Variants in XPR1 observed in about 807,000 individuals in gnomAD.
XPR1 encodes xenotropic and polytropic retrovirus receptor 1.
XPR1 carries 28 observed loss-of-function variants against 87.5 expected under a neutral mutation model. The observed-to-expected ratio is 0.32, with a 90% confidence interval of 0.24 to 0.44. XPR1 has a LOEUF of 0.44. Ranked by LOEUF, XPR1 falls within the 20% of genes least tolerant of loss-of-function variation. The pLI is 1.00. For synonymous variants in XPR1, 300 were observed against 306.1 expected (o/e 0.98, Z 0.21); for missense variants, 559 against 862.3 (o/e 0.65, Z 4.41).
At chr1:180,655,476 C>A (rs1483521916) in intron 1 of XPR1, among the ~76,000 whole-genome samples, 1 of 150,640 alleles carries the variant, frequency 6.6e-6, no homozygotes, top group Non-Finnish European at 1.5e-5. Flanking sequence ...TCTTGGCTCA[C>A]TGCAACCTCT....
intron 9 of XPR1, among the ~76,000 whole-genome samples, chr1:180,833,407 A>G (rs1049727878): frequency 6.6e-6 from 1 of 152,054 alleles, no homozygotes; most frequent in African/African-American, 2.4e-5. Context: ...GTCAAGACCC[A>G]TTGGTGTGCT....
At chr1:180,837,389 T>G (rs2063849) in intron 11 of XPR1, among the ~76,000 whole-genome samples, 1 of 152,222 alleles carries the variant, frequency 6.6e-6, no homozygotes, top group African/African-American at 2.4e-5. Flanking sequence ...GCTGCACTTT[T>G]TCATCTGTAG....
At chr1:180,707,062 G>T (rs1241633534) in intron 2 of XPR1, among the ~76,000 whole-genome samples, 1 of 152,174 alleles carries the variant, frequency 6.6e-6, no homozygotes, top group Non-Finnish European at 1.5e-5. Context: ...ATATTTACTT[G>T]TATTAAGAGT....
chr1:180,710,518 G>A (rs1001881738), intron 2 of XPR1, among the ~76,000 whole-genome samples: 158 of 152,148 alleles, frequency 1.0e-3, no homozygotes, highest in Non-Finnish European at 1.9e-3. Context: ...CGGGTTGGGG[G>A]TAAGGTCACA....
intron 9 of XPR1, 85 bp downstream of exon 9, chr1:180,825,429 G>A (rs758012514): frequency 1.5e-6 from 2 of 1,368,776 alleles, no homozygotes; most frequent in South Asian, 1.5e-5. Context: ...CTGCTAGGTT[G>A]TACAACTGCA....
At chr1:180,678,550 T>TA (rs1209456378) in intron 1 of XPR1, among the ~76,000 whole-genome samples, 4 of 152,268 alleles carry the variant, frequency 2.6e-5, no homozygotes, top group Non-Finnish European at 5.9e-5. Flanking sequence ...TAGTGAATAT[T>TA]ACTGAATGTT....
At chr1:180,678,600 A>C (rs1419586862) in intron 1 of XPR1, among the ~76,000 whole-genome samples, 2 of 152,248 alleles carry the variant, frequency 1.3e-5, no homozygotes. Flanking sequence ...ATTTTTGTAC[A>C]TCATACATCA....
At chr1:180,830,876 T>G (rs1349611816) in intron 9 of XPR1, among the ~76,000 whole-genome samples, 1 of 152,222 alleles carries the variant, frequency 6.6e-6, no homozygotes, top group Non-Finnish European at 1.5e-5. Context: ...ACAGAATATG[T>G]TAGGAAGAGT....
chr1:180,802,991 G>A (rs1311181583), intron 3 of XPR1, among the ~76,000 whole-genome samples: 1 of 152,172 alleles, frequency 6.6e-6, no homozygotes, highest in Non-Finnish European at 1.5e-5. Context: ...ATGCAAGTTA[G>A]TATATGTATG....
intron 11 of XPR1, among the ~76,000 whole-genome samples, chr1:180,856,954 C>T (rs1225294375): frequency 6.6e-6 from 1 of 152,068 alleles, no homozygotes; most frequent in Non-Finnish European, 1.5e-5. Context: ...TCGAAATGTG[C>T]CGTAAGTATA....
rs890353769 is a variant in XPR1 at position 180,889,369 on chromosome 1, C to T, written c.*5303C>T. On this transcript the variant is annotated 3_prime_UTR_variant, in exon 15 of 15. Coordinates refer to ENST00000367590, the MANE Select transcript of XPR1 (RefSeq NM_004736.4). ...AAACTTCCACCATATTACCTTAGTT[C>T]TTCCTATGCCCTTTCCTCTGTGCCA... 2 of 152,240 alleles carry T rather than the reference C, an allele frequency of 1.3e-5. No homozygotes were observed. Among genetic ancestry groups the T allele is most frequent in the Non-Finnish European group, 2.9e-5 (2 of 68,050 alleles). 9.4% of individuals were successfully genotyped at this position (152,240 alleles called of 1,614,324 possible). A position where few individuals can be genotyped will look rare whatever the true frequency, so the allele number is the denominator to read the frequency against.
Position 180,757,309 on chromosome 1 carries a change from C to T in XPR1, c.122-30444C>T, listed in dbSNP as rs117834309. On this transcript the variant is annotated intron_variant, in intron 2 of 14. Coordinates refer to ENST00000367590, the MANE Select transcript of XPR1 (RefSeq NM_004736.4). ...ACGGGATTTTGTTGTTGTTGCTGCT[C>T]CTGAAAAATACACACATAAATCCTT... Among the ~76,000 whole-genome samples the T allele has an allele frequency of 4.3e-4, 66 of 152,170 alleles. No homozygotes were observed. The East Asian group carries it at 0.012, about 27-fold the overall frequency.
chr1:180,711,212 G>A (rs1283347730), intron 2 of XPR1, among the ~76,000 whole-genome samples: 1 of 151,828 alleles, frequency 6.6e-6, no homozygotes, highest in Non-Finnish European at 1.5e-5. Flanking sequence ...CAGACAGGGT[G>A]GCGGCCGGGC....
At chr1:180,662,193 G>A (rs1402557092) in intron 1 of XPR1, among the ~76,000 whole-genome samples, 1 of 151,914 alleles carries the variant, frequency 6.6e-6, no homozygotes, top group Non-Finnish European at 1.5e-5. Context: ...ATTTCTTACT[G>A]CTCATTCTTG....
chr1:180,762,784 G>C (rs560626485), intron 2 of XPR1, among the ~76,000 whole-genome samples: 4 of 152,118 alleles, frequency 2.6e-5, no homozygotes, highest in Non-Finnish European at 5.9e-5. Flanking sequence ...AGTTCCTATA[G>C]GAATTAAGGA....
At chr1:180,752,309 ATAT>A (rs895450654) in intron 2 of XPR1, among the ~76,000 whole-genome samples, 3 of 152,038 alleles carry the variant, frequency 2.0e-5, no homozygotes, top group African/African-American at 7.2e-5. Context: ...TCTTTTTTTG[ATAT>A]TATGTGGTTA....
chr1:180,736,375 G>A (rs1454655812), intron 2 of XPR1, among the ~76,000 whole-genome samples: 1 of 152,176 alleles, frequency 6.6e-6, no homozygotes, highest in Non-Finnish European at 1.5e-5. Flanking sequence ...AGGGTTTGCA[G>A]CTTTGGAAGG....
chr1:180,659,453 C>CCCTT (rs1557943787), intron 1 of XPR1, among the ~76,000 whole-genome samples: 67 of 111,954 alleles, frequency 6.0e-4, no homozygotes, highest in African/African-American at 2.6e-3. Context: ...CCTCCTTCTT[C>CCCTT]CCTCCCTTCC....
At chr1:180,820,110 T>G (rs914643101) in intron 7 of XPR1, among the ~76,000 whole-genome samples, 1 of 152,068 alleles carries the variant, frequency 6.6e-6, no homozygotes, top group African/African-American at 2.4e-5. Flanking sequence ...ATTTATTACT[T>G]TTTTCCTTTT....
Sources: allele counts gnomAD v4.1 joint callset (sites outside exome capture counted in the v4.1 genomes callset), GRCh38; gene constraint gnomAD v4.1.1; transcripts MANE v1.5; gene names NCBI Gene and HGNC (gene_info 2026-07-23, HGNC 2026-07-21).